The following SCLT1 variants were observed in gnomAD, a reference collection of about 807,000 sequenced individuals.
SCLT1 encodes the protein sodium channel-associated protein 1.
A neutral mutation model predicts 112.8 loss-of-function variants in SCLT1; 78 were observed. That is an observed-to-expected ratio of 0.69 (90% CI 0.58 to 0.83). The LOEUF (loss-of-function observed/expected upper bound fraction) is 0.83. Ranked by LOEUF, SCLT1 falls within the 40% of genes least tolerant of loss-of-function variation. The pLI, the probability that SCLT1 is intolerant of heterozygous loss-of-function variation, is 0.00. For missense variants in SCLT1, 747 were observed against 770.4 expected (o/e 0.97, Z 0.36); for synonymous variants, 257 against 254.7 (o/e 1.01, Z -0.09).
chr4:129,074,570 A>C (rs1339941410), intron 2 of SCLT1, among the ~76,000 whole-genome samples: 1 of 152,214 alleles, frequency 6.6e-6, no homozygotes, highest in Non-Finnish European at 1.5e-5. Flanking sequence ...ATTGCCTAAA[A>C]AACATTTACA....
At chr4:129,067,831 T>A (rs1387833089) in intron 2 of SCLT1, among the ~76,000 whole-genome samples, 1 of 140,404 alleles carries the variant, frequency 7.1e-6, no homozygotes, top group Admixed American at 7.2e-5. Context: ...TATTTTAACT[T>A]TTTTTTTTTT....
chr4:128,910,745 G>T (rs1735029634), intron 18 of SCLT1, among the ~76,000 whole-genome samples: 2 of 151,898 alleles, frequency 1.3e-5, no homozygotes, highest in South Asian at 4.1e-4. Flanking sequence ...ATGAAATAAA[G>T]AATATTCTAA....
At chr4:129,042,489 G>C (rs1433888923) in intron 4 of SCLT1, among the ~76,000 whole-genome samples, 1 of 152,098 alleles carries the variant, frequency 6.6e-6, no homozygotes, top group African/African-American at 2.4e-5. Flanking sequence ...ATGAGGTAAG[G>C]AGGAAGGTCT....
At chr4:129,055,897 C>A (rs1749337279) in intron 2 of SCLT1, among the ~76,000 whole-genome samples, 1 of 152,102 alleles carries the variant, frequency 6.6e-6, no homozygotes, top group South Asian at 2.1e-4. Flanking sequence ...AACATCCACC[C>A]AGTGCTGTCC....
intron 18 of SCLT1, among the ~76,000 whole-genome samples, chr4:128,900,959 CA>C (rs1560819573): frequency 1.3e-5 from 2 of 152,006 alleles, no homozygotes; most frequent in African/African-American, 4.8e-5. Flanking sequence ...AAATGCAAAT[CA>C]AAACCACAAT....
chr4:129,009,189 T>C (rs1430593631), intron 5 of SCLT1, among the ~76,000 whole-genome samples: 3 of 152,292 alleles, frequency 2.0e-5, no homozygotes, highest in South Asian at 2.1e-4. Flanking sequence ...AGTGATGGGA[T>C]TGCTGGGTTA....
At chr4:129,036,480 G>A (rs184393646) in intron 5 of SCLT1, 10 of 152,018 alleles carry the variant, frequency 6.6e-5, no homozygotes, top group Admixed American at 5.9e-4. Flanking sequence ...TTACTAGGAA[G>A]AGTACATCCC....
chr4:129,002,015 A>T (rs1216486890), intron 6 of SCLT1, among the ~76,000 whole-genome samples: 6 of 152,150 alleles, frequency 3.9e-5, no homozygotes, highest in African/African-American at 1.4e-4. Context: ...ATTAAAAAAA[A>T]TTAGTGTTAA....
chr4:128,916,756 G>C (rs897639468), intron 18 of SCLT1, among the ~76,000 whole-genome samples: 1 of 152,124 alleles, frequency 6.6e-6, no homozygotes, highest in African/African-American at 2.4e-5. Flanking sequence ...ATGTGTCCTT[G>C]TATCATAGGC....
chr4:128,958,790 T>C (rs138053101), intron 12 of SCLT1, among the ~76,000 whole-genome samples: 2 of 152,262 alleles, frequency 1.3e-5, no homozygotes, highest in Admixed American at 1.3e-4. Flanking sequence ...CACCTTAGCA[T>C]CCCCACAGTT....
intron 18 of SCLT1, among the ~76,000 whole-genome samples, chr4:128,892,063 T>G (rs1733371471): frequency 6.6e-6 from 1 of 152,190 alleles, no homozygotes; most frequent in African/African-American, 2.4e-5. Context: ...AGAATTCTTA[T>G]TTATGTTTTG....
intron 18 of SCLT1, among the ~76,000 whole-genome samples, chr4:128,908,580 C>T (rs1402593524): frequency 6.6e-6 from 1 of 152,080 alleles, no homozygotes; most frequent in East Asian, 1.9e-4. Context: ...TTATTCAATA[C>T]AATCTAATTG....
chr4:128,943,036 C>G lies in SCLT1; in HGVS notation c.1592G>C (p.Arg531Thr). The change falls in exon 17 of 21, where the codon AGG becomes ACG. Residue 531 changes from arginine (R) to threonine (T), a missense_variant. Coordinates refer to ENST00000281142, the MANE Select transcript of SCLT1 (RefSeq NM_144643.4). ...KQLRKETESL[R>T]KIALEAQKKA... ...TTTTTGAGCCTCCAGGGCAATCTTC[C>G]TTAAACTCTCAGTCTCTTTCCGTAA... 2 of 1,612,752 alleles carry G rather than the reference C, an allele frequency of 1.2e-6. No individual in the cohort carries two copies. The highest frequency in any genetic ancestry group is 1.7e-6 in the Non-Finnish European group (2 of 1,179,344).
chr4:129,021,563 G>T (rs1188772734), intron 5 of SCLT1, among the ~76,000 whole-genome samples: 4 of 152,190 alleles, frequency 2.6e-5, no homozygotes, highest in Non-Finnish European at 5.9e-5. Flanking sequence ...CAGTGCTGAG[G>T]CTGGGAAGTC....
chr4:129,059,944 C>A (rs1429036382), intron 2 of SCLT1, among the ~76,000 whole-genome samples: 1 of 152,138 alleles, frequency 6.6e-6, no homozygotes, highest in Non-Finnish European at 1.5e-5. Flanking sequence ...GTTTTCTATG[C>A]TTTTCCCTTC....
chr4:128,933,628 A>G (rs1299474191), intron 18 of SCLT1, among the ~76,000 whole-genome samples: 2 of 152,106 alleles, frequency 1.3e-5, no homozygotes, highest in African/African-American at 4.8e-5. Context: ...CCTCATTGCA[A>G]CTGAATACTG....
intron 1 of SCLT1, among the ~76,000 whole-genome samples, chr4:129,088,590 C>T (rs1168497538): frequency 6.6e-6 from 1 of 152,176 alleles, no homozygotes; most frequent in Admixed American, 6.5e-5. Flanking sequence ...TTTCAGATTA[C>T]AAGATTATCT....
intron 9 of SCLT1, among the ~76,000 whole-genome samples, chr4:128,990,211 A>G (rs1344173392): frequency 6.6e-6 from 1 of 152,036 alleles, no homozygotes; most frequent in African/African-American, 2.4e-5. Flanking sequence ...ACAAAATATT[A>G]GGAAACTCAA....
intron 5 of SCLT1, among the ~76,000 whole-genome samples, chr4:129,032,534 T>C (rs898044126): frequency 6.6e-6 from 1 of 151,786 alleles, no homozygotes; most frequent in African/African-American, 2.4e-5. Flanking sequence ...AAATAAACTA[T>C]CATCAGAGTG....
Sources: gnomAD v4.1 joint callset for allele counts (sites outside exome capture counted in the v4.1 genomes callset) on GRCh38, gnomAD v4.1.1 for gene constraint, MANE v1.5 for transcripts, NCBI Gene and HGNC (gene_info 2026-07-23, HGNC 2026-07-21) for gene names.